The following EPHA3 variants were observed in gnomAD, a reference collection of about 807,000 sequenced individuals.
EPHA3 encodes the protein ephrin type-A receptor 3.
EPHA3 carries 42 observed loss-of-function variants against 107.1 expected under a neutral mutation model. That is an observed-to-expected ratio of 0.39 (90% CI 0.31 to 0.51). EPHA3 has a LOEUF of 0.51. EPHA3 is among the 20% of genes least tolerant of loss of function. The pLI, the probability that EPHA3 is intolerant of heterozygous loss-of-function variation, is 0.78. For synonymous variants in EPHA3, 461 were observed against 424.8 expected (o/e 1.09, Z -1.05); for missense variants, 1,183 against 1,211.2 (o/e 0.98, Z 0.35).
chr3:89,313,147 A>G (rs180832356), intron 3 of EPHA3, among the ~76,000 whole-genome samples: 1 of 152,102 alleles, frequency 6.6e-6, no homozygotes, highest in African/African-American at 2.4e-5. Context: ...TAATAGAGTT[A>G]TGCCAATTAT....
chr3:89,108,689 G>A (rs1432563462), intron 1 of EPHA3, among the ~76,000 whole-genome samples: 1 of 152,106 alleles, frequency 6.6e-6, no homozygotes, highest in Non-Finnish European at 1.5e-5. Flanking sequence ...CAAACCTAAT[G>A]TTAAGGACAC....
At chr3:89,143,733 A>G (rs919037179) in intron 2 of EPHA3, among the ~76,000 whole-genome samples, 1 of 151,614 alleles carries the variant, frequency 6.6e-6, no homozygotes, top group Non-Finnish European at 1.5e-5. Context: ...GTACATTACT[A>G]TAAGCTACAG....
chr3:89,136,188 G>A (rs1469733770), intron 2 of EPHA3, among the ~76,000 whole-genome samples: 1 of 151,832 alleles, frequency 6.6e-6, no homozygotes, highest in Non-Finnish European at 1.5e-5. Flanking sequence ...TCAAATTTTT[G>A]ACATATGTGA....
chr3:89,108,621 G>A (rs1300291811), intron 1 of EPHA3, among the ~76,000 whole-genome samples: 2 of 152,168 alleles, frequency 1.3e-5, no homozygotes, highest in African/African-American at 4.8e-5. Flanking sequence ...TTTCCTTGAT[G>A]TTGTGTTATT....
intron 3 of EPHA3, among the ~76,000 whole-genome samples, chr3:89,217,883 TG>T (rs1265919768): frequency 6.6e-6 from 1 of 152,218 alleles, no homozygotes; most frequent in Non-Finnish European, 1.5e-5. Context: ...TTTATGAAAC[TG>T]AGAAGTGAAT....
chr3:89,413,138 C>T lies in EPHA3; in HGVS notation c.1763-3C>T. On this transcript the variant is annotated splice_region_variant and splice_polypyrimidine_tract_variant and intron_variant, in intron 9 of 16. Transcript: ENST00000336596. ...TTGCGCCTTTCTTTCTTTCCTCAAACAGTAAAACTTCCAGGTCTCAGGACT... is the reference window on the plus strand; with the variant it reads ...TTGCGCCTTTCTTTCTTTCCTCAAATAGTAAAACTTCCAGGTCTCAGGACT... 2 of 1,610,660 alleles carry T rather than the reference C, an allele frequency of 1.2e-6. No homozygotes were observed. The highest frequency in any genetic ancestry group is 1.7e-6 in the Non-Finnish European group (2 of 1,177,758).
chr3:89,361,215 CT>C (rs1195869274), intron 5 of EPHA3, among the ~76,000 whole-genome samples: 1 of 150,944 alleles, frequency 6.6e-6, no homozygotes, highest in Non-Finnish European at 1.5e-5. Context: ...TTCTTGTATC[CT>C]TTGCCTTTCT....
chr3:89,228,641 T>C (rs1198807314), intron 3 of EPHA3, among the ~76,000 whole-genome samples: 1 of 151,964 alleles, frequency 6.6e-6, no homozygotes, highest in Admixed American at 6.6e-5. Flanking sequence ...TAAGGCATTA[T>C]ACAAAATACT....
At chr3:89,209,115 T>C (rs773613209) in intron 2 of EPHA3, among the ~76,000 whole-genome samples, 4 of 152,326 alleles carry the variant, frequency 2.6e-5, no homozygotes, top group East Asian at 1.9e-4. Flanking sequence ...ATAAAAGTTG[T>C]TCTAAGATAA....
At chr3:89,115,399 AT>A (rs1433766731) in intron 1 of EPHA3, among the ~76,000 whole-genome samples, 1 of 152,104 alleles carries the variant, frequency 6.6e-6, no homozygotes, top group Non-Finnish European at 1.5e-5. Flanking sequence ...GACTGACACC[AT>A]TTTATTAAAA....
At chr3:89,229,154 G>A (rs543730582) in intron 3 of EPHA3, among the ~76,000 whole-genome samples, 12 of 152,092 alleles carry the variant, frequency 7.9e-5, no homozygotes, top group African/African-American at 2.9e-4. Flanking sequence ...TGTGTTAAGA[G>A]TGTGAATGAA....
intron 10 of EPHA3, 31 bp downstream of exon 10, chr3:89,413,297 T>C: frequency 6.2e-7 from 1 of 1,610,446 alleles, no homozygotes; most frequent in Non-Finnish European, 8.5e-7. Flanking sequence ...GCCAACTTAG[T>C]ACTGTATGTG....
chr3:89,139,905 C>T (rs951000317), intron 2 of EPHA3, among the ~76,000 whole-genome samples: 2 of 151,722 alleles, frequency 1.3e-5, no homozygotes, highest in African/African-American at 2.4e-5. Context: ...CTACTTCAAC[C>T]GAGTGTCATG....
chr3:89,177,840 T>G lies in EPHA3; in HGVS notation c.154-32020T>G, dbSNP rs1363734764. ...GCTTTATTTCCTCTTCTTCTACCTC[T>G]CTTTCCCTCACTCGTTTTATTCTCT... On this transcript the variant is annotated intron_variant, in intron 2 of 16. Transcript: ENST00000336596. Among the ~76,000 whole-genome samples the G allele has an allele frequency of 3.3e-5, 5 of 152,194 alleles. No homozygotes were observed. The East Asian group carries it at 9.6e-4, about 29-fold the overall frequency.
At chr3:89,390,508 G>A (rs1288253627) in intron 5 of EPHA3, among the ~76,000 whole-genome samples, 2 of 150,986 alleles carry the variant, frequency 1.3e-5, no homozygotes, top group African/African-American at 2.4e-5. Context: ...GTTGAGGCAG[G>A]AGAATTGCTT....
Position 89,479,965 on chromosome 3 carries a change from C to G in EPHA3, c.*463C>G, listed in dbSNP as rs747151753. 6.4e-5 allele frequency: 15 copies of G among 235,766 alleles called. No individual in the cohort carries two copies. The Admixed American group carries it at 7.2e-4, about 11-fold the overall frequency. The allele number at this position is 235,766 out of a possible 1,614,324, so 14.6% of individuals were successfully genotyped here. ...GCAAGCAACACAGAGGAATTTATAC[C>G]TCAAACTATCTGGCCATATTTACTA... is the stretch of plus-strand genomic sequence containing the variant. On this transcript the variant is annotated 3_prime_UTR_variant, in exon 17 of 17. Coordinates refer to ENST00000336596, the MANE Select transcript of EPHA3 (RefSeq NM_005233.6).
At chr3:89,216,216 G>A (rs7432948) in intron 3 of EPHA3, among the ~76,000 whole-genome samples, 2 of 151,704 alleles carry the variant, frequency 1.3e-5, no homozygotes, top group Admixed American at 6.6e-5. Flanking sequence ...AGCATCTGAG[G>A]CATCAGAAAA....
Position 89,133,374 on chromosome 3 carries a change from G to T in EPHA3, c.153+6101G>T, listed in dbSNP as rs774241031. Among the ~76,000 whole-genome samples, 37 of 152,126 alleles carry T rather than the reference G, an allele frequency of 2.4e-4. 1 individual carries two copies. Among genetic ancestry groups the T allele is most frequent in the Admixed American group, 1.3e-3 (20 of 15,278 alleles). On this transcript the variant is annotated intron_variant, in intron 2 of 16. Coordinates refer to ENST00000336596, the MANE Select transcript of EPHA3 (RefSeq NM_005233.6). ...ACGAATTTTAAATCATTATTACTAG[G>T]CTCAAACACATCTTTATTAGTCAAA...
intron 2 of EPHA3, among the ~76,000 whole-genome samples, chr3:89,185,710 C>T (rs548156271): frequency 6.6e-6 from 1 of 152,182 alleles, no homozygotes; most frequent in South Asian, 2.1e-4. Context: ...ACACAGCTCT[C>T]CCTTTCTACT....
Sources: allele counts gnomAD v4.1 joint callset (sites outside exome capture counted in the v4.1 genomes callset), GRCh38; gene constraint gnomAD v4.1.1; transcripts MANE v1.5; gene names NCBI Gene and HGNC (gene_info 2026-07-23, HGNC 2026-07-21).